Variants in RBBP5 observed in about 807,000 individuals in gnomAD.
The protein encoded by RBBP5 is RB binding protein 5, histone lysine methyltransferase complex subunit, also known as retinoblastoma-binding protein 5.
RBBP5 carries 5 observed loss-of-function variants against 72.2 expected under a neutral mutation model. The observed-to-expected ratio is 0.07, with a 90% CI of 0.04 to 0.15. The LOEUF is 0.15. RBBP5 is among the 10% of genes least tolerant of loss of function. The pLI, the probability that RBBP5 is intolerant of heterozygous loss-of-function variation, is 1.00. For missense variants in RBBP5, 322 were observed against 652.2 expected (o/e 0.49, Z 5.51); for synonymous variants, 209 against 237.2 (o/e 0.88, Z 1.09).
At chr1:205,115,714 C>G in intron 2 of RBBP5, 144 bp downstream of exon 2, 1 of 1,104,482 alleles carries the variant, frequency 9.1e-7, no homozygotes, top group African/African-American at 1.6e-5. Context: ...AAATTGTACA[C>G]TAGCTCCTTA....
rs1379041764 is a variant in RBBP5, at chr1:205,086,899, TATA to T, written c.*1885_*1887del. The T allele has an allele frequency of 6.6e-6, 1 of 152,166 alleles. No individual in the cohort carries two copies. The highest frequency in any genetic ancestry group is 2.4e-5 in the African/African-American group (1 of 41,430). The allele number at this position is 152,166 out of a possible 1,614,324, so 9.4% of individuals were successfully genotyped here. A position where few individuals can be genotyped will look rare whatever the true frequency, so the allele number is the denominator to read the frequency against. ...GTACAGTGCAGAGGACTGGAATGGA[TATA>T]ATGTCTGCAAAACAAAAACATGTCT... On this transcript the variant is annotated 3_prime_UTR_variant, in exon 14 of 14. Transcript: ENST00000264515.
chr1:205,120,005 C>A (rs1341664333), intron 1 of RBBP5, among the ~76,000 whole-genome samples: 10 of 152,178 alleles, frequency 6.6e-5, no homozygotes, highest in Admixed American at 6.6e-4. Context: ...TTCAGCTTCT[C>A]CAAAGCTGTC....
intron 1 of RBBP5, chr1:205,116,338 T>G (rs1163395319): frequency 2.6e-6 from 1 of 379,808 alleles, no homozygotes; most frequent in Non-Finnish European, 5.4e-6. Flanking sequence ...ACTTCTAAAT[T>G]GGTAAACACT....
chr1:205,104,639 G>A (rs1318020721), intron 4 of RBBP5, among the ~76,000 whole-genome samples: 3 of 152,074 alleles, frequency 2.0e-5, no homozygotes, highest in African/African-American at 7.2e-5. Flanking sequence ...TCAGGAGTTC[G>A]AGACCAACCT....
At chr1:205,092,865 A>G (rs1279136798) in intron 13 of RBBP5, among the ~76,000 whole-genome samples, 1 of 152,268 alleles carries the variant, frequency 6.6e-6, no homozygotes, top group Admixed American at 6.5e-5. Flanking sequence ...TACAGGCGTG[A>G]GCCTTATTTA....
intron 3 of RBBP5, among the ~76,000 whole-genome samples, chr1:205,111,842 T>C (rs1656326322): frequency 6.6e-6 from 1 of 152,176 alleles, no homozygotes; most frequent in African/African-American, 2.4e-5. Context: ...AGGTTCTCCA[T>C]GAGGACCTTG....
Position 205,099,019 on chromosome 1 carries a change from C to T in RBBP5, c.1066G>A (p.Asp356Asn), listed in dbSNP as rs1429630068. The stretch of plus-strand genomic sequence containing the variant: ...TGCTCAGGCTCACTCTTATCTTCAT[C>T]TTCAATATCAAACTCTGATTCCCTT... ...EERESEFDIE[D>N]EDKSEPEQTG... is the part of the protein sequence containing the mutation. Residue 356 changes from aspartate to asparagine, a missense_variant, in exon 10 of 14, where the codon GAT (aspartate) becomes AAT (asparagine). Coordinates refer to ENST00000264515, the MANE Select transcript of RBBP5 (RefSeq NM_005057.4). The surrounding 1 kb of genome is among the most constrained non-coding windows in gnomAD (Gnocchi z 4.7). The T allele has an allele frequency of 3.7e-6, 6 of 1,611,048 alleles. No homozygotes were observed. Among genetic ancestry groups the T allele is most frequent in the Non-Finnish European group, 5.1e-6 (6 of 1,178,942 alleles).
At chr1:205,103,605 T>A (rs1455098884) in intron 5 of RBBP5, among the ~76,000 whole-genome samples, 2 of 152,192 alleles carry the variant, frequency 1.3e-5, no homozygotes, top group African/African-American at 4.8e-5. Flanking sequence ...ATTTTATAAT[T>A]TCATAATGGC....
intron 13 of RBBP5, among the ~76,000 whole-genome samples, chr1:205,094,653 A>T (rs74798817): frequency 0.038 from 5,798 of 152,314 alleles, 365 homozygotes; most frequent in African/African-American, 0.13. Flanking sequence ...GGGAATGTAG[A>T]TTTATTGAAA....
rs1482634699 is a variant in RBBP5, at chr1:205,087,690, GT to G, written c.*1096del. On this transcript the variant is annotated 3_prime_UTR_variant, in exon 14 of 14. Transcript: ENST00000264515. ...TTTCAGAGAATTTCAAACACCAAAT[GT>G]ACACATCTATCCAATCTGTTATTTT... The G allele has an allele frequency of 2.0e-5, 3 of 147,890 alleles. No homozygotes were observed. In the South Asian group the frequency reaches 6.7e-4, roughly 33 times the overall value. The allele number at this position is 147,890 out of a possible 1,614,324, so 9.2% of individuals were successfully genotyped here.
Position 205,114,892 on chromosome 1 carries a change from G to T in RBBP5, c.115C>A (p.Leu39Ile). The T allele has an allele frequency of 6.3e-7, 1 of 1,588,836 alleles. No individual in the cohort carries two copies. The highest frequency in any genetic ancestry group is 1.3e-5 in the African/African-American group (1 of 74,626). Residue 39 changes from leucine to isoleucine, a missense_variant, in exon 3 of 14, where the codon CTT becomes ATT. Leu to Ile is a conservative substitution (Grantham distance 5, BLOSUM62 2). Coordinates refer to ENST00000264515, the MANE Select transcript of RBBP5 (RefSeq NM_005057.4). Reference sequence around the variant, plus strand: ...CGGCCATCATTACAGCCAACTGCAAGCAGTGTGCCCCACCTGTTAAAGGTG... The same window carrying T: ...CGGCCATCATTACAGCCAACTGCAATCAGTGTGCCCCACCTGTTAAAGGTG... ...TCTFNRWGTL[L>I]AVGCNDGRIV...
At chr1:205,096,001 T>C (rs1369357607) in intron 12 of RBBP5, among the ~76,000 whole-genome samples, 6 of 152,076 alleles carry the variant, frequency 3.9e-5, no homozygotes, top group Admixed American at 3.9e-4. Context: ...GAGACCAGCC[T>C]GGCCAACACG....
At chr1:205,117,274 AAACTTCT>A (rs1656563956) in intron 1 of RBBP5, among the ~76,000 whole-genome samples, 1 of 151,848 alleles carries the variant, frequency 6.6e-6, no homozygotes, top group Non-Finnish European at 1.5e-5. Flanking sequence ...GGCTGGTCTC[AAACTTCT>A]GACCTCAAGG....
intron 13 of RBBP5, among the ~76,000 whole-genome samples, chr1:205,090,665 G>A (rs1655308982): frequency 6.6e-6 from 1 of 152,124 alleles, no homozygotes; most frequent in Non-Finnish European, 1.5e-5. Flanking sequence ...TAATGTAACA[G>A]GTAGGAAAAT....
At chr1:205,118,596 TG>T (rs532756882) in intron 1 of RBBP5, among the ~76,000 whole-genome samples, 31 of 152,026 alleles carry the variant, frequency 2.0e-4, no homozygotes, top group Non-Finnish European at 3.8e-4. Flanking sequence ...CACTCCAGCC[TG>T]GGCGACAGAA....
chr1:205,101,211 G>A (rs1432869185), intron 6 of RBBP5, among the ~76,000 whole-genome samples: 9 of 152,156 alleles, frequency 5.9e-5, no homozygotes, highest in Admixed American at 5.9e-4. Context: ...CTTCTAACTA[G>A]GTAACCAAAC....
chr1:205,111,119 T>C (rs531089892), intron 3 of RBBP5, among the ~76,000 whole-genome samples: 6 of 152,340 alleles, frequency 3.9e-5, no homozygotes, highest in Admixed American at 3.9e-4. Context: ...GGTTTTGTGA[T>C]TTTAAAATAT....
rs778357911 is a variant in RBBP5, at chr1:205,105,206, A to C, written c.219-38T>G. The C allele has an allele frequency of 1.9e-6, 3 of 1,588,598 alleles. No homozygotes were observed. In the Admixed American group the frequency reaches 5.0e-5, roughly 27 times the overall value. On this transcript the variant is annotated intron_variant, in intron 3 of 13. Transcript: ENST00000264515. Reference sequence around the variant, plus strand: ...AAGGGGTAATTTAGCACATATTCTAAGTATATCATACCACTCTCATGAATA... The same window carrying C: ...AAGGGGTAATTTAGCACATATTCTACGTATATCATACCACTCTCATGAATA...
intron 3 of RBBP5, among the ~76,000 whole-genome samples, chr1:205,112,452 G>C (rs1656354990): frequency 6.6e-6 from 1 of 152,036 alleles, no homozygotes; most frequent in African/African-American, 2.4e-5. Context: ...TATAGTTCTT[G>C]TATAGGACAT....
Sources: allele counts gnomAD v4.1 joint callset (sites outside exome capture counted in the v4.1 genomes callset), GRCh38; gene constraint gnomAD v4.1.1; non-coding constraint Gnocchi (gnomAD v3.1); transcripts MANE v1.5; gene names NCBI Gene and HGNC (gene_info 2026-07-23, HGNC 2026-07-21).